PRDM15: variants seen among roughly 807,000 people sequenced by gnomAD.
The protein encoded by PRDM15 is PR/SET domain 15, also known as PR domain zinc finger protein 15.
Under a neutral mutation model 128.6 loss-of-function variants are expected in PRDM15, and 64 were observed. That is an observed-to-expected ratio of 0.50 (90% CI 0.41 to 0.61). The LOEUF is 0.61. Ranked by LOEUF, PRDM15 falls within the 20% of genes least tolerant of loss-of-function variation. PRDM15 has a pLI of 0.00. For synonymous variants in PRDM15, 615 were observed against 621.8 expected (o/e 0.99, Z 0.16); for missense variants, 1,242 against 1,569.1 (o/e 0.79, Z 3.52).
At chr21:41,805,074 T>C (rs1252743820) in intron 21 of PRDM15, among the ~76,000 whole-genome samples, 2 of 152,230 alleles carry the variant, frequency 1.3e-5, no homozygotes, top group Admixed American at 1.3e-4. Context: ...TTTCATTTGT[T>C]GGTTTTGTGA....
In PRDM15 at chr21:41,854,785, C is replaced by T. The variant is rs752939445; in HGVS notation, c.319G>A (p.Asp107Asn). ...FQKDGHPVCF[D>N]TSNEDDCNWM... The stretch of plus-strand genomic sequence containing the variant: ...TTGCAGTCATCCTCGTTGGAGGTGT[C>T]GAAGCACACGGGGTGCCCGTCCTTC... The change falls in exon 5 of 24, where the codon GAC becomes AAC. Residue 107 changes from aspartate (D) to asparagine (N), a missense_variant. By Grantham distance (23) the Asp-to-Asn change is conservative. Around this residue, in one of 3 missense-constraint regions of PRDM15, gnomAD observed 612 missense variants for 717.0 expected, o/e 0.85. Transcript: ENST00000398548. This position sits in a 1 kb window ranked among gnomAD's most constrained non-coding sequence, Gnocchi z 4.6. 9 of 1,607,254 alleles carry T rather than the reference C, an allele frequency of 5.6e-6. No homozygotes were observed. The highest frequency in any genetic ancestry group is 2.2e-5 in the South Asian group (2 of 90,908).
rs2061386839 is a variant in PRDM15, at chr21:41,800,329, A to T, written c.*911T>A. The T allele has an allele frequency of 6.6e-6, 1 of 152,456 alleles. No homozygotes were observed. Among genetic ancestry groups the T allele is most frequent in the African/African-American group, 2.4e-5 (1 of 41,470 alleles). 9.4% of individuals were successfully genotyped at this position (152,456 alleles called of 1,614,324 possible). ...ACCCGGAGGAGCCCCTGGGGGCAGCAGGGAGGCTCACTCCTCACACACAGC... is the reference window on the plus strand; with the variant it reads ...ACCCGGAGGAGCCCCTGGGGGCAGCTGGGAGGCTCACTCCTCACACACAGC... On this transcript the variant is annotated 3_prime_UTR_variant, in exon 24 of 24. Transcript: ENST00000398548.
At chr21:41,833,964 G>A (rs1434604267) in intron 11 of PRDM15, among the ~76,000 whole-genome samples, 1 of 152,210 alleles carries the variant, frequency 6.6e-6, no homozygotes, top group African/African-American at 2.4e-5. Context: ...CCAAGGGGAG[G>A]TTCGCAAACA....
At chr21:41,872,403 ACT>A (rs1175159380) in intron 1 of PRDM15, among the ~76,000 whole-genome samples, 2 of 152,140 alleles carry the variant, frequency 1.3e-5, no homozygotes. Context: ...ATATATTATG[ACT>A]CTGAAAATAT....
At chr21:41,833,350 G>A (rs1236157526) in intron 11 of PRDM15, among the ~76,000 whole-genome samples, 1 of 152,198 alleles carries the variant, frequency 6.6e-6, no homozygotes, top group African/African-American at 2.4e-5. Context: ...GGTGTGCTAT[G>A]AGTCCTCGAG....
intron 1 of PRDM15, among the ~76,000 whole-genome samples, chr21:41,860,835 G>A (rs2063788092): frequency 1.3e-5 from 2 of 152,336 alleles, no homozygotes; most frequent in South Asian, 4.2e-4. Flanking sequence ...CTTATTGTGG[G>A]ATGGGGCTGG....
intron 1 of PRDM15, among the ~76,000 whole-genome samples, chr21:41,864,509 CA>C (rs1347164291): frequency 6.6e-6 from 1 of 152,024 alleles, no homozygotes; most frequent in Non-Finnish European, 1.5e-5. Flanking sequence ...ATGCTCCTGA[CA>C]AAGTCTCTCT....
At chr21:41,807,005 C>A (rs1371599373) in intron 21 of PRDM15, among the ~76,000 whole-genome samples, 1 of 151,608 alleles carries the variant, frequency 6.6e-6, no homozygotes, top group African/African-American at 2.4e-5. Flanking sequence ...ACCTCTACCA[C>A]CACCATCACC....
Position 41,860,383 on chromosome 21 carries a change from A to G in PRDM15, c.-9-11T>C, listed in dbSNP as rs983025795. On this transcript the variant is annotated splice_polypyrimidine_tract_variant and intron_variant, in intron 1 of 23. Coordinates refer to ENST00000398548, the MANE Select transcript of PRDM15 (RefSeq NM_001040424.3). ...AGCCATCTCTGACACCTGTCAGGAT[A>G]CAAGAGAGCCTCATTAATGACAAGC... 2.5e-6 allele frequency: 4 copies of G among 1,612,538 alleles called. No homozygotes were observed. The highest frequency in any genetic ancestry group is 3.4e-6 in the Non-Finnish European group (4 of 1,178,594).
rs773384218 is a variant in PRDM15 at position 41,798,357 on chromosome 21, T to A, written c.*2883A>T. ...GGAAAGCCCAAGACGCCGCCTCTAGTGGGGAAGCCATGAGCCTTCCGCCTT... is the reference window on the plus strand; with the variant it reads ...GGAAAGCCCAAGACGCCGCCTCTAGAGGGGAAGCCATGAGCCTTCCGCCTT... On this transcript the variant is annotated 3_prime_UTR_variant, in exon 24 of 24. Coordinates refer to ENST00000398548, the MANE Select transcript of PRDM15 (RefSeq NM_001040424.3). 2.6e-5 allele frequency: 4 copies of A among 152,150 alleles called. No homozygotes were observed. Among genetic ancestry groups the A allele is most frequent in the Non-Finnish European group, 5.9e-5 (4 of 68,052 alleles). 9.4% of individuals were successfully genotyped at this position (152,150 alleles called of 1,614,324 possible).
intron 19 of PRDM15, 110 bp downstream of exon 19, chr21:41,815,595 G>T: frequency 7.0e-7 from 1 of 1,431,340 alleles, no homozygotes; most frequent in Non-Finnish European, 9.5e-7. Context: ...GCACTCAGTG[G>T]GAATCACAAA....
chr21:41,863,827 T>G (rs571264113), intron 1 of PRDM15, among the ~76,000 whole-genome samples: 1 of 151,842 alleles, frequency 6.6e-6, no homozygotes, highest in African/African-American at 2.4e-5. Context: ...GAAATAGACC[T>G]AAACAAACAT....
chr21:41,833,301 CTG>C (rs1371285246), intron 11 of PRDM15, among the ~76,000 whole-genome samples: 1 of 152,154 alleles, frequency 6.6e-6, no homozygotes, highest in African/African-American at 2.4e-5. Context: ...ACCCACAAGA[CTG>C]TAACATTTTA....
intron 1 of PRDM15, among the ~76,000 whole-genome samples, chr21:41,868,477 C>T (rs1345497428): frequency 3.3e-5 from 5 of 152,072 alleles, no homozygotes; most frequent in Non-Finnish European, 7.4e-5. Flanking sequence ...TCCAGTTTCT[C>T]GGCGGCCTCA....
chr21:41,805,636 T>A (rs147270158), intron 21 of PRDM15, among the ~76,000 whole-genome samples: 52 of 152,198 alleles, frequency 3.4e-4, no homozygotes, highest in African/African-American at 1.2e-3. Flanking sequence ...CACAGATCTA[T>A]ACTGTGACAC....
chr21:41,876,013 A>AGTT (rs1396612551), intron 1 of PRDM15, among the ~76,000 whole-genome samples: 7 of 152,202 alleles, frequency 4.6e-5, no homozygotes, highest in Admixed American at 3.9e-4. Flanking sequence ...TACAGCACTT[A>AGTT]ACTAACGGAA....
chr21:41,809,059 C>T (rs986733400), intron 21 of PRDM15, among the ~76,000 whole-genome samples: 7 of 152,208 alleles, frequency 4.6e-5, no homozygotes, highest in Non-Finnish European at 7.3e-5. Context: ...TTCTGGGATG[C>T]GCGGTGAGCT....
rs17113941 is a variant in PRDM15 at position 41,801,079 on chromosome 21, C to G, written c.*161G>C. 6 of 1,047,194 alleles carry G rather than the reference C, an allele frequency of 5.7e-6. No homozygotes were observed. Among genetic ancestry groups the G allele is most frequent in the Non-Finnish European group, 8.1e-6 (6 of 736,276 alleles). The allele number at this position is 1,047,194 out of a possible 1,614,324, so 64.9% of individuals were successfully genotyped here. On this transcript the variant is annotated 3_prime_UTR_variant, in exon 24 of 24. Transcript: ENST00000398548. ...CCCTTCTAGAGTTAAGCTGACAGAC[C>G]GTAATGGTTGCTGGCGGGGGATCTG...
At chr21:41,847,235 T>C in intron 5 of PRDM15, 44 bp from the exon 6 acceptor site, 1 of 1,356,286 alleles carries the variant, frequency 7.4e-7, no homozygotes, top group Non-Finnish European at 1.0e-6. Flanking sequence ...CCCAAGCAGC[T>C]CATATGTCTC....
Sources: allele counts gnomAD v4.1 joint callset (sites outside exome capture counted in the v4.1 genomes callset), GRCh38; gene constraint gnomAD v4.1.1; regional missense constraint gnomAD v4.1.1; non-coding constraint Gnocchi (gnomAD v3.1); transcripts MANE v1.5; gene names NCBI Gene and HGNC (gene_info 2026-07-23, HGNC 2026-07-21).